ITGA11: variants seen among roughly 807,000 people sequenced by gnomAD.
ITGA11 encodes integrin alpha-11.
Under a neutral mutation model 141.9 loss-of-function variants are expected in ITGA11, and 97 were observed. That is an observed-to-expected ratio of 0.68 (90% confidence interval 0.58 to 0.81). The LOEUF is 0.81. Ranked by LOEUF, ITGA11 falls within the 30% of genes least tolerant of loss-of-function variation. The pLI is 0.00. For missense variants in ITGA11, 1,387 were observed against 1,559.2 expected (o/e 0.89, Z 1.86); for synonymous variants, 658 against 624.6 (o/e 1.05, Z -0.80).
chr15:68,366,777 G>A (rs1895434954), intron 3 of ITGA11, among the ~76,000 whole-genome samples: 1 of 152,056 alleles, frequency 6.6e-6, no homozygotes, highest in Admixed American at 6.6e-5. Context: ...CACAGGCCCT[G>A]GCTTTGAGAA....
At chr15:68,408,014 CAGGGATCTTGGGAGAA>C (rs1016459996) in intron 1 of ITGA11, among the ~76,000 whole-genome samples, 1 of 152,240 alleles carries the variant, frequency 6.6e-6, no homozygotes, top group African/African-American at 2.4e-5. Context: ...TATAGCTTCC[CAGGGATCTTGGGAGAA>C]AGTCCAAAAT....
chr15:68,360,240 A>G (rs1364443814), intron 5 of ITGA11, among the ~76,000 whole-genome samples: 1 of 152,226 alleles, frequency 6.6e-6, no homozygotes, highest in African/African-American at 2.4e-5. Flanking sequence ...TGGTGCAGGC[A>G]GCAGTGGGGG....
intron 1 of ITGA11, among the ~76,000 whole-genome samples, chr15:68,429,379 C>T (rs933263120): frequency 6.6e-6 from 1 of 152,210 alleles, no homozygotes; most frequent in Non-Finnish European, 1.5e-5. Context: ...AAAGATTATG[C>T]TTCTAAGAAT....
intron 2 of ITGA11, among the ~76,000 whole-genome samples, chr15:68,391,133 C>A (rs1024658403): frequency 6.6e-6 from 1 of 152,120 alleles, no homozygotes; most frequent in African/African-American, 2.4e-5. Context: ...GTGGTGGGAT[C>A]CACACAAGTG....
At position 68,333,101 on chromosome 15, in the gene ITGA11, G is replaced by A. The variant is rs908397158; in HGVS notation, c.1426-623C>T. On this transcript the variant is annotated intron_variant, in intron 12 of 29. Coordinates refer to ENST00000315757, the MANE Select transcript of ITGA11 (RefSeq NM_001004439.2). This position sits in a 1 kb window ranked among gnomAD's most constrained non-coding sequence, Gnocchi z 4.2. ...GTGTTTAATCAGTTATTGCTGGACG[G>A]TTAGCTTTTTTTTTTTGAGGCAAGG... 4.8e-5 allele frequency among the ~76,000 whole-genome samples: 4 copies of A among 83,872 alleles called. No individual in the cohort carries two copies. The East Asian group carries it at 1.6e-3, about 33-fold the overall frequency. 55.0% of individuals were successfully genotyped at this position (83,872 alleles called of 152,430 possible).
rs200856232 is a variant in ITGA11, at chr15:68,325,158, G to A, written c.2295C>T (p.Asp765=). 1,016 of 1,613,826 alleles carry A rather than the reference G, an allele frequency of 6.3e-4. No homozygotes were observed. The highest frequency in any genetic ancestry group is 1.6e-3 in the Admixed American group (94 of 60,026). The change falls in exon 18 of 30, where the codon GAC becomes GAT. Residue 765 remains aspartate, a synonymous_variant. Coordinates refer to ENST00000315757, the MANE Select transcript of ITGA11 (RefSeq NM_001004439.2). This position sits in a 1 kb window ranked among gnomAD's most constrained non-coding sequence, Gnocchi z 5.5. ...AGACTCTGAGAGTGGTGGGCCAGCC[G>A]TCGTCCAGCATGGGGCCATGGTCAG... ...EDPDHGPMLD[D]GWPTTLRVSV... is the part of the protein sequence containing the mutation.
At chr15:68,368,170 C>A (rs1472192910) in intron 3 of ITGA11, among the ~76,000 whole-genome samples, 1 of 152,210 alleles carries the variant, frequency 6.6e-6, no homozygotes, top group Non-Finnish European at 1.5e-5. Flanking sequence ...CCCAGTGAGA[C>A]CCTGCTGCCC....
rs757358085 is a variant in ITGA11, at chr15:68,315,776, C to T, written c.2716-49G>A. 31 of 1,453,778 alleles carry T rather than the reference C, an allele frequency of 2.1e-5. No homozygotes were observed. The South Asian group carries it at 2.7e-4, about 13-fold the overall frequency. 90.1% of individuals were successfully genotyped at this position (1,453,778 alleles called of 1,614,324 possible). On this transcript the variant is annotated intron_variant, in intron 21 of 29. Transcript: ENST00000315757. ...TGGGCATTGCTGGGACCAGCCCCGC[C>T]CACTCCCCACAGCCCACTCCCCACA...
At position 68,342,636 on chromosome 15, in the gene ITGA11, G is replaced by A. The variant is rs373108104; in HGVS notation, c.1132-2992C>T. Among the ~76,000 whole-genome samples, 132 of 152,276 alleles carry A rather than the reference G, an allele frequency of 8.7e-4. 1 individual carries two copies. Among genetic ancestry groups the A allele is most frequent in the African/African-American group, 2.8e-3 (118 of 41,548 alleles). On this transcript the variant is annotated intron_variant, in intron 10 of 29. Transcript: ENST00000315757. The stretch of plus-strand genomic sequence containing the variant: ...CATATCTCTCAAAGCCCTGTGTTCC[G>A]GCCAGTCCATGTCCCAAGCCAGGGT...
chr15:68,432,115 G>T lies in ITGA11; in HGVS notation c.-49C>A, dbSNP rs766540868. ...CCGGTGTGCAGCGGCGGCGGGGGGC[G>T]GCAAGCCAGAGCGGCAGCCTCCTCG... On this transcript the variant is annotated 5_prime_UTR_variant, in exon 1 of 30. Coordinates refer to ENST00000315757, the MANE Select transcript of ITGA11 (RefSeq NM_001004439.2). The T allele has an allele frequency of 2.6e-5, 35 of 1,328,612 alleles. No individual in the cohort carries two copies. In the Middle Eastern group the frequency reaches 8.2e-4, roughly 31 times the overall value. The allele number at this position is 1,328,612 out of a possible 1,614,324, so 82.3% of individuals were successfully genotyped here.
At chr15:68,414,084 T>C (rs1896835463) in intron 1 of ITGA11, among the ~76,000 whole-genome samples, 2 of 152,146 alleles carry the variant, frequency 1.3e-5, no homozygotes, top group South Asian at 4.1e-4. Flanking sequence ...GTGGTCACCT[T>C]TCCACAGAAA....
chr15:68,364,413 C>G (rs1895348984), intron 4 of ITGA11, among the ~76,000 whole-genome samples: 1 of 152,196 alleles, frequency 6.6e-6, no homozygotes, highest in Non-Finnish European at 1.5e-5. Flanking sequence ...TATTCTTGTC[C>G]CCTTTCTGGC....
At chr15:68,363,094 G>GGATGATTACATGGGAGATTGATGGTGGAT (rs1895303799) in intron 4 of ITGA11, among the ~76,000 whole-genome samples, 1 of 152,136 alleles carries the variant, frequency 6.6e-6, no homozygotes, top group South Asian at 2.1e-4. Context: ...ATGGAAAGAT[G>GGATGATTACATGGGAGATTGATGGTGGAT]GATGATTACA....
At position 68,384,136 on chromosome 15, in the gene ITGA11, G is replaced by C. The variant is rs535167521; in HGVS notation, c.165-14852C>G. On this transcript the variant is annotated intron_variant, in intron 2 of 29. Transcript: ENST00000315757. ...TCTATGGCCCTGAGGACTGGCCTTA[G>C]AGGCCTTAGAGGGTGGAGCTGAGAT... is the stretch of plus-strand genomic sequence containing the variant. 3.9e-5 allele frequency among the ~76,000 whole-genome samples: 6 copies of C among 152,192 alleles called. No homozygotes were observed. The East Asian group carries it at 5.8e-4, about 15-fold the overall frequency.
intron 14 of ITGA11, among the ~76,000 whole-genome samples, chr15:68,331,465 C>T (rs766518540): frequency 2.6e-5 from 4 of 151,812 alleles, no homozygotes; most frequent in Middle Eastern, 3.2e-3. Flanking sequence ...GGACCCGAGA[C>T]GGGTTGGTTT....
chr15:68,366,747 C>T (rs554489469), intron 3 of ITGA11, among the ~76,000 whole-genome samples: 3 of 152,206 alleles, frequency 2.0e-5, no homozygotes, highest in Admixed American at 6.5e-5. Context: ...GTGAGGGTCC[C>T]GGGCCCAGAT....
In ITGA11 at chr15:68,297,431, GCTT is replaced by G. The variant is rs976304452; in HGVS notation, c.*5625_*5627del. 10 of 107,848 alleles carry G rather than the reference GCTT, an allele frequency of 9.3e-5. No homozygotes were observed. Among genetic ancestry groups the G allele is most frequent in the African/African-American group, 1.5e-4 (5 of 32,340 alleles). The allele number at this position is 107,848 out of a possible 1,614,324, so 6.7% of individuals were successfully genotyped here. Reference sequence around the variant, plus strand: ...CATCTGTACAGTTCTGCACTTCTGAGCTTTTTTTTTTTTTTTTTTTTTATCCAA... The same window carrying G: ...CATCTGTACAGTTCTGCACTTCTGAGTTTTTTTTTTTTTTTTTTTATCCAA... On this transcript the variant is annotated 3_prime_UTR_variant, in exon 30 of 30. Transcript: ENST00000315757.
In ITGA11 at chr15:68,306,634, A is replaced by G. The variant is rs534590464; in HGVS notation, c.3381+714T>C. Reference sequence around the variant, plus strand: ...GAATGAACAAACAAAAAAGCTCCTTAGGTGGATCCTGATACCCCTCTGCCT... The same window carrying G: ...GAATGAACAAACAAAAAAGCTCCTTGGGTGGATCCTGATACCCCTCTGCCT... On this transcript the variant is annotated intron_variant, in intron 28 of 29. Transcript: ENST00000315757. 4.6e-5 allele frequency among the ~76,000 whole-genome samples: 7 copies of G among 152,214 alleles called. No homozygotes were observed. In the South Asian group the frequency reaches 1.2e-3, roughly 27 times the overall value.
At chr15:68,313,204 G>A (rs1403864394) in intron 23 of ITGA11, among the ~76,000 whole-genome samples, 4 of 152,004 alleles carry the variant, frequency 2.6e-5, no homozygotes, top group South Asian at 4.2e-4. Flanking sequence ...GATGGCTGGC[G>A]TGGGAGGGCC....
Sources: allele counts gnomAD v4.1 joint callset (sites outside exome capture counted in the v4.1 genomes callset), GRCh38; gene constraint gnomAD v4.1.1; non-coding constraint Gnocchi (gnomAD v3.1); transcripts MANE v1.5; gene names NCBI Gene and HGNC (gene_info 2026-07-23, HGNC 2026-07-21).